Variants in C2orf49 observed in about 807,000 individuals in gnomAD.
The protein encoded by C2orf49 is tRNA splicing ligase complex subunit 2.
A neutral mutation model predicts 20.6 loss-of-function variants in C2orf49; 11 were observed. The ratio of observed to expected loss-of-function variants is 0.53; its 90% CI spans 0.34 to 0.88. The LOEUF (loss-of-function observed/expected upper bound fraction) is 0.88. Ranked by LOEUF, C2orf49 falls within the 40% of genes least tolerant of loss-of-function variation. The probability of loss-of-function intolerance (pLI) is 0.02; values close to 1 mark genes in which losing one functional copy is unlikely to be tolerated. For missense variants in C2orf49, 289 were observed against 274.2 expected (o/e 1.05, Z -0.38); for synonymous variants, 134 against 108.5 (o/e 1.24, Z -1.46).
the C2orf49 span, among the ~76,000 whole-genome samples, chr2:105,370,381 A>AC: frequency 1.4e-4 from 21 of 152,150 alleles, no homozygotes; most frequent in Non-Finnish European, 2.5e-4. Context: ...GCTCAAAAAA[A>AC]AAAAAAGTCA....
At chr2:105,379,087 T>G in the C2orf49 span, among the ~76,000 whole-genome samples, 1 of 152,198 alleles carries the variant, frequency 6.6e-6, no homozygotes, top group Non-Finnish European at 1.5e-5. Context: ...AGGGGTTCAA[T>G]TCAAGGGCCC....
At chr2:105,376,756 G>A in the C2orf49 span, 5 of 152,264 alleles carry the variant, frequency 3.3e-5, no homozygotes, top group African/African-American at 1.2e-4. Flanking sequence ...AAAGGTGGGA[G>A]CAAGCCAGAT....
rs1679843459 is a variant in C2orf49, at chr2:105,347,510, G to C, written c.*2139G>C. On this transcript the variant is annotated 3_prime_UTR_variant, in exon 4 of 4. Coordinates refer to ENST00000258457, the MANE Select transcript of C2orf49 (RefSeq NM_024093.3). The stretch of plus-strand genomic sequence containing the variant: ...AACAGCTGAACTGTGTAACATTGTT[G>C]CTTCAAATTGAAGTTTATATTATGA... 1 of 152,276 alleles carries C rather than the reference G, an allele frequency of 6.6e-6. No homozygotes were observed. The highest frequency in any genetic ancestry group is 2.1e-4 in the South Asian group (1 of 4,822). The allele number at this position is 152,276 out of a possible 1,614,324, so 9.4% of individuals were successfully genotyped here.
chr2:105,338,784 C>G (rs1679577994), intron 1 of C2orf49, among the ~76,000 whole-genome samples: 1 of 152,172 alleles, frequency 6.6e-6, no homozygotes. Context: ...GTACTAAACA[C>G]AAATGTTTTC....
chr2:105,339,525 G>A, intron 1 of C2orf49, 58 bp from the exon 2 acceptor site: 1 of 1,499,298 alleles, frequency 6.7e-7, no homozygotes, highest in Non-Finnish European at 9.0e-7. Context: ...AGGTAAGGTG[G>A]TTACTTGTTA....
At chr2:105,349,872 T>A (rs1415550293), downstream of C2orf49, among the ~76,000 whole-genome samples, 1 of 152,188 alleles carries the variant, frequency 6.6e-6, no homozygotes, top group Non-Finnish European at 1.5e-5. Flanking sequence ...GTGTCCAGTT[T>A]TAGATGGCTG....
At chr2:105,341,032 C>G (rs1281490755) in intron 2 of C2orf49, among the ~76,000 whole-genome samples, 1 of 152,228 alleles carries the variant, frequency 6.6e-6, no homozygotes, top group Non-Finnish European at 1.5e-5. Context: ...AAAATACACA[C>G]ACAGTCTGAC....
At chr2:105,354,918 G>C in the C2orf49 span, among the ~76,000 whole-genome samples, 4 of 152,148 alleles carry the variant, frequency 2.6e-5, no homozygotes, top group African/African-American at 9.7e-5. Context: ...AATGGAAGGA[G>C]CAATTCTGCT....
intron 2 of C2orf49, among the ~76,000 whole-genome samples, chr2:105,340,216 T>C (rs951319851): frequency 6.6e-6 from 1 of 152,058 alleles, no homozygotes; most frequent in African/African-American, 2.4e-5. Flanking sequence ...ACGGGAGAGA[T>C]TGTCAGATCA....
chr2:105,368,873 T>G, the C2orf49 span, among the ~76,000 whole-genome samples: 14 of 152,242 alleles, frequency 9.2e-5, no homozygotes, highest in Non-Finnish European at 1.8e-4. Context: ...CCGGACTAGC[T>G]GAGGGGCCTG....
the C2orf49 span, among the ~76,000 whole-genome samples, chr2:105,385,615 G>A: frequency 6.6e-6 from 1 of 152,208 alleles, no homozygotes; most frequent in Non-Finnish European, 1.5e-5. Flanking sequence ...GGTTTCACTG[G>A]AGTGTTTTAG....
the C2orf49 span, among the ~76,000 whole-genome samples, chr2:105,372,484 C>G: frequency 2.6e-5 from 4 of 152,164 alleles, no homozygotes; most frequent in African/African-American, 9.7e-5. Context: ...CTTAGCCTTG[C>G]AAAGTGCTGG....
chr2:105,339,561 AC>A (rs1386178821), intron 1 of C2orf49, 21 bp from the exon 2 acceptor site: 2 of 1,574,376 alleles, frequency 1.3e-6, no homozygotes, highest in East Asian at 4.6e-5. Context: ...TTTTGAAATT[AC>A]TTTTGTTTCC....
the C2orf49 span, chr2:105,363,481 C>T: frequency 8.8e-6 from 14 of 1,597,942 alleles, no homozygotes; most frequent in South Asian, 2.3e-5. Flanking sequence ...GCTGCAGGGA[C>T]GAGGGGGAGA....
the C2orf49 span, among the ~76,000 whole-genome samples, chr2:105,382,225 G>A: frequency 6.6e-6 from 1 of 152,172 alleles, no homozygotes; most frequent in Non-Finnish European, 1.5e-5. Flanking sequence ...ATTCTGCAAT[G>A]TAATCATCAC....
the C2orf49 span, among the ~76,000 whole-genome samples, chr2:105,368,478 A>G: frequency 6.6e-6 from 1 of 152,184 alleles, no homozygotes; most frequent in Non-Finnish European, 1.5e-5. Flanking sequence ...ACAGGTGCAC[A>G]CCACCATGCC....
At chr2:105,377,709 C>T in the C2orf49 span, 1 of 212,724 alleles carries the variant, frequency 4.7e-6, no homozygotes, top group Non-Finnish European at 9.6e-6. Flanking sequence ...CCTCTGTCCC[C>T]CTGTGCAGGC....
the C2orf49 span, among the ~76,000 whole-genome samples, chr2:105,362,357 GT>G: frequency 2.6e-5 from 4 of 152,192 alleles, no homozygotes; most frequent in Admixed American, 2.6e-4. Flanking sequence ...TGAGAGTACT[GT>G]TTTAGCGACC....
chr2:105,351,278 G>A (rs931408591), downstream of C2orf49, among the ~76,000 whole-genome samples: 23 of 136,024 alleles, frequency 1.7e-4, no homozygotes, highest in Admixed American at 7.4e-4. Context: ...TATAGTTATT[G>A]CTTTTCCCTT....
Sources: gnomAD v4.1 joint callset for allele counts (sites outside exome capture counted in the v4.1 genomes callset) on GRCh38, gnomAD v4.1.1 for gene constraint, MANE v1.5 for transcripts, NCBI Gene and HGNC (gene_info 2026-07-23, HGNC 2026-07-21) for gene names.